The following GPR158 variants were observed in gnomAD, a reference collection of about 807,000 sequenced individuals.
GPR158 encodes the protein metabotropic glycine receptor.
A neutral mutation model predicts 78.2 loss-of-function variants in GPR158; 30 were observed. The ratio of observed to expected loss-of-function variants is 0.38; its 90% confidence interval spans 0.29 to 0.52. GPR158 has a LOEUF of 0.52. Ranked by LOEUF, GPR158 falls within the 20% of genes least tolerant of loss-of-function variation. The probability of loss-of-function intolerance (pLI) is 0.83; values close to 1 mark genes in which losing one functional copy is unlikely to be tolerated. For missense variants in GPR158, 1,463 were observed against 1,523.5 expected (o/e 0.96, Z 0.66); for synonymous variants, 581 against 591.1 (o/e 0.98, Z 0.25).
At chr10:25,231,853 A>G (rs1172741382) in intron 2 of GPR158, among the ~76,000 whole-genome samples, 1 of 152,198 alleles carries the variant, frequency 6.6e-6, no homozygotes, top group East Asian at 1.9e-4. Context: ...TATGGACTCT[A>G]ACCCTTGCTA....
At chr10:25,510,306 G>T (rs565334994) in intron 5 of GPR158, among the ~76,000 whole-genome samples, 1 of 152,020 alleles carries the variant, frequency 6.6e-6, no homozygotes, top group East Asian at 1.9e-4. Flanking sequence ...ATAGTTCAAA[G>T]AAAAATAAAA....
Position 25,175,313 on chromosome 10 carries a change from G to C in GPR158, c.-108G>C, listed in dbSNP as rs1852508225. ...TCCTTTGGACTGGGTGCCATCTGGA[G>C]AAGGGGGAAGACTCCTCGAAAAAGT... is the stretch of plus-strand genomic sequence containing the variant. On this transcript the variant is annotated 5_prime_UTR_variant, in exon 1 of 11. Transcript: ENST00000376351. The surrounding 1 kb of genome is among the most constrained non-coding windows in gnomAD (Gnocchi z 6.4). The C allele has an allele frequency of 3.0e-6, 2 of 669,672 alleles. No individual in the cohort carries two copies. Among genetic ancestry groups the C allele is most frequent in the Non-Finnish European group, 5.2e-6 (2 of 385,492 alleles). The allele number at this position is 669,672 out of a possible 1,614,324, so 41.5% of individuals were successfully genotyped here.
intron 2 of GPR158, among the ~76,000 whole-genome samples, chr10:25,278,166 GATT>G (rs1239615312): frequency 6.6e-6 from 1 of 152,082 alleles, no homozygotes; most frequent in African/African-American, 2.4e-5. Flanking sequence ...CAGATATTAA[GATT>G]ATTAACAAAA....
chr10:25,330,334 T>G (rs1855100730), intron 2 of GPR158, among the ~76,000 whole-genome samples: 1 of 152,180 alleles, frequency 6.6e-6, no homozygotes, highest in Admixed American at 6.5e-5. Flanking sequence ...CTAGAATTTT[T>G]TATGGTTGCT....
chr10:25,493,606 T>C (rs16925961), intron 5 of GPR158, among the ~76,000 whole-genome samples: 5,737 of 152,258 alleles, frequency 0.038, 147 homozygotes, highest in Non-Finnish European at 0.055. Flanking sequence ...AGAGCAGAAA[T>C]AAAATATGTC....
chr10:25,592,177 G>C (rs866967871), intron 8 of GPR158, among the ~76,000 whole-genome samples: 1 of 151,682 alleles, frequency 6.6e-6, no homozygotes, highest in Admixed American at 6.6e-5. Context: ...AAAAAATTAT[G>C]TCTATGTATG....
At chr10:25,208,161 T>C (rs1853071626) in intron 1 of GPR158, among the ~76,000 whole-genome samples, 1 of 152,204 alleles carries the variant, frequency 6.6e-6, no homozygotes, top group African/African-American at 2.4e-5. Context: ...TGGCTTATTA[T>C]TGGTCAGGGT....
intron 6 of GPR158, among the ~76,000 whole-genome samples, chr10:25,569,441 T>C (rs1436438116): frequency 6.6e-6 from 1 of 152,150 alleles, no homozygotes; most frequent in African/African-American, 2.4e-5. Flanking sequence ...GAAACTCAAG[T>C]ATCAAAAAAA....
Position 25,244,307 on chromosome 10 carries a change from A to C in GPR158, c.1008+23150A>C, listed in dbSNP as rs551388703. Among the ~76,000 whole-genome samples the C allele has an allele frequency of 1.2e-4, 18 of 152,256 alleles. No individual in the cohort carries two copies. The East Asian group carries it at 3.3e-3, about 28-fold the overall frequency. Reference sequence around the variant, plus strand: ...CCTGGGACTCTGTGCTCCAATTCTCAAGTAATACCAGAGATAGCCTAAGGC... The same window carrying C: ...CCTGGGACTCTGTGCTCCAATTCTCCAGTAATACCAGAGATAGCCTAAGGC... On this transcript the variant is annotated intron_variant, in intron 2 of 10. Coordinates refer to ENST00000376351, the MANE Select transcript of GPR158 (RefSeq NM_020752.3).
intron 5 of GPR158, among the ~76,000 whole-genome samples, chr10:25,525,467 A>G (rs1438107476): frequency 6.6e-6 from 1 of 152,260 alleles, no homozygotes; most frequent in Non-Finnish European, 1.5e-5. Flanking sequence ...GTAGTGATAC[A>G]TGCTACAGTA....
At chr10:25,464,755 T>C (rs1835400432) in intron 4 of GPR158, among the ~76,000 whole-genome samples, 1 of 152,186 alleles carries the variant, frequency 6.6e-6, no homozygotes, top group Admixed American at 6.5e-5. Flanking sequence ...TTACAGACAG[T>C]CATGTATAAT....
At chr10:25,475,487 C>T (rs751092548) in intron 5 of GPR158, 2 of 152,028 alleles carry the variant, frequency 1.3e-5, no homozygotes, top group Admixed American at 6.6e-5. Flanking sequence ...TTGGATGCAG[C>T]ATAAAATACC....
intron 2 of GPR158, among the ~76,000 whole-genome samples, chr10:25,235,352 A>T (rs898939802): frequency 1.3e-5 from 2 of 150,886 alleles, no homozygotes; most frequent in African/African-American, 4.9e-5. Flanking sequence ...ATGCTTTGAT[A>T]TGCTTAGGAA....
chr10:25,427,926 C>G (rs1264975782), intron 4 of GPR158, among the ~76,000 whole-genome samples: 2 of 151,982 alleles, frequency 1.3e-5, no homozygotes, highest in Non-Finnish European at 2.9e-5. Flanking sequence ...TGAATTTAAA[C>G]CTGTCTGACT....
intron 1 of GPR158, among the ~76,000 whole-genome samples, chr10:25,191,782 A>T (rs1852774787): frequency 6.6e-6 from 1 of 152,300 alleles, no homozygotes; most frequent in South Asian, 2.1e-4. Flanking sequence ...AAGGTGCTTT[A>T]TGAAGGCAGG....
At position 25,370,755 on chromosome 10, in the gene GPR158, T is replaced by A. The variant is rs768830839; in HGVS notation, c.1009-25156T>A. Among the ~76,000 whole-genome samples, 874 of 150,654 alleles carry A rather than the reference T, an allele frequency of 5.8e-3. 10 individuals are homozygous for A. In the Middle Eastern group the frequency reaches 0.06, roughly 10 times the overall value. On this transcript the variant is annotated intron_variant, in intron 2 of 10. Coordinates refer to ENST00000376351, the MANE Select transcript of GPR158 (RefSeq NM_020752.3). ...TTTCTGTCTCGTTGATCTGTCTAATTTTGACAGTGGGGTGTTAAAGTCTCC... is the reference window on the plus strand; with the variant it reads ...TTTCTGTCTCGTTGATCTGTCTAATATTGACAGTGGGGTGTTAAAGTCTCC...
chr10:25,298,748 G>C (rs1189868817), intron 2 of GPR158, among the ~76,000 whole-genome samples: 1 of 152,044 alleles, frequency 6.6e-6, no homozygotes, highest in Non-Finnish European at 1.5e-5. Flanking sequence ...ATTTTTTACT[G>C]TCTCAGTTTC....
rs1198973455 is a variant in GPR158 at position 25,600,443 on chromosome 10, C to CT, written c.*1169_*1170insT. ...AGGAAGTTTGCCTTTCAAAAAAAAA[C>CT]ACAGGTAGCTCCTGATAGCACTTTC... On this transcript the variant is annotated 3_prime_UTR_variant, in exon 11 of 11. Transcript: ENST00000376351. The CT allele has an allele frequency of 2.0e-5, 3 of 151,972 alleles. No homozygotes were observed. The East Asian group carries it at 5.8e-4, about 29-fold the overall frequency. The allele number at this position is 151,972 out of a possible 1,614,324, so 9.4% of individuals were successfully genotyped here. A position where few individuals can be genotyped will look rare whatever the true frequency, so the allele number is the denominator to read the frequency against.
intron 2 of GPR158, among the ~76,000 whole-genome samples, chr10:25,371,313 T>C (rs1292762817): frequency 6.6e-6 from 1 of 152,010 alleles, no homozygotes; most frequent in Non-Finnish European, 1.5e-5. Flanking sequence ...GTACCAGTTG[T>C]TCCTTTCCAT....
Sources: allele counts gnomAD v4.1 joint callset (sites outside exome capture counted in the v4.1 genomes callset), GRCh38; gene constraint gnomAD v4.1.1; non-coding constraint Gnocchi (gnomAD v3.1); transcripts MANE v1.5; gene names NCBI Gene and HGNC (gene_info 2026-07-23, HGNC 2026-07-21).